Variants in DGKZ observed in about 807,000 individuals in gnomAD.
The protein encoded by DGKZ is DAG kinase zeta.
A neutral mutation model predicts 142.5 loss-of-function variants in DGKZ; 45 were observed. That is an observed-to-expected ratio of 0.32 (90% CI 0.25 to 0.40). The LOEUF is 0.40. Among genes scored for constraint, DGKZ ranks in the 10% least tolerant of loss-of-function variants. DGKZ has a pLI of 1.00. For missense variants in DGKZ, 755 were observed against 1,306.5 expected, an observed-to-expected ratio of 0.58 and a Z score of 6.51; for synonymous variants, 442 against 527.0, an observed-to-expected ratio of 0.84 and a Z score of 2.21.
intron 1 of DGKZ, chr11:46,366,090 CAG>C (rs1943211117): frequency 1.0e-6 from 1 of 985,394 alleles, no homozygotes; most frequent in Non-Finnish European, 1.2e-6. Flanking sequence ...CTCCCTCCCT[CAG>C]GGGTTGCTTC....
chr11:46,366,817 C>A, intron 1 of DGKZ: 1 of 1,545,610 alleles, frequency 6.5e-7, no homozygotes, highest in Non-Finnish European at 8.7e-7. Flanking sequence ...ATCGGCGCCT[C>A]AGCCAGCGGC....
intron 1 of DGKZ, chr11:46,365,212 C>T: frequency 1.0e-6 from 1 of 985,406 alleles, no homozygotes; most frequent in Non-Finnish European, 1.2e-6. Flanking sequence ...GGAGGGAGCT[C>T]TGGGCTGTGC....
chr11:46,343,477 A>G (rs1389277602), upstream of DGKZ, among the ~76,000 whole-genome samples: 1 of 152,220 alleles, frequency 6.6e-6, no homozygotes, highest in South Asian at 2.1e-4. Flanking sequence ...CAAGAAATTC[A>G]CAGTAACAAA....
At chr11:46,376,250 C>T in intron 22 of DGKZ, 78 bp from the exon 23 acceptor site, 3 of 1,605,732 alleles carry the variant, frequency 1.9e-6, no homozygotes, top group Non-Finnish European at 8.5e-7. Context: ...CTCCTCTGTG[C>T]TGGTTCCCCC....
chr11:46,367,570 G>C lies in DGKZ; in HGVS notation c.271-82G>C. On this transcript the variant is annotated intron_variant, in intron 2 of 30. Transcript: ENST00000527911. The surrounding 1 kb of genome is among the most constrained non-coding windows in gnomAD (Gnocchi z 4.1). ...CGGGGCGCTGGAGTGGGTTTGTCTT[G>C]GGAGAGGGCGGGTGGGCGGGGGCTG... is the stretch of plus-strand genomic sequence containing the variant. 1.5e-6 allele frequency: 2 copies of C among 1,367,310 alleles called. No homozygotes were observed. Among genetic ancestry groups the C allele is most frequent in the Non-Finnish European group, 2.0e-6 (2 of 1,007,124 alleles). The allele number at this position is 1,367,310 out of a possible 1,614,324, so 84.7% of individuals were successfully genotyped here. A position where few individuals can be genotyped will look rare whatever the true frequency, so the allele number is the denominator to read the frequency against.
At chr11:46,379,330 C>T in intron 29 of DGKZ, 94 bp downstream of exon 29, 1 of 1,584,424 alleles carries the variant, frequency 6.3e-7, no homozygotes, top group East Asian at 2.2e-5. Context: ...CATAAACTTC[C>T]TGGTCACATC....
intron 25 of DGKZ, 94 bp from the exon 26 acceptor site, chr11:46,378,104 G>C: frequency 6.7e-7 from 1 of 1,492,370 alleles, no homozygotes; most frequent in Non-Finnish European, 9.1e-7. Flanking sequence ...TCAATAAACT[G>C]TGGAAAGGAT....
At chr11:46,371,465 C>T (rs775699723) in intron 7 of DGKZ, 22 bp from the exon 8 acceptor site, 45 of 1,599,912 alleles carry the variant, frequency 2.8e-5, no homozygotes, top group Non-Finnish European at 3.7e-5. Context: ...TCCCGCTGAG[C>T]CCGGCCCCTC....
At chr11:46,377,896 C>A in intron 25 of DGKZ, 1 of 489,810 alleles carries the variant, frequency 2.0e-6, no homozygotes, top group Non-Finnish European at 3.7e-6. Flanking sequence ...AGATCACTCC[C>A]AGGACCCCCT....
At chr11:46,369,868 C>T (rs1565057407) in intron 5 of DGKZ, 73 bp from the exon 6 acceptor site, 4 of 1,520,776 alleles carry the variant, frequency 2.6e-6, no homozygotes, top group Non-Finnish European at 3.6e-6. Flanking sequence ...GTGTGTTGAG[C>T]CGTGTGGGCA....
chr11:46,351,577 C>G (rs1356373308), intron 1 of DGKZ, among the ~76,000 whole-genome samples: 2 of 152,158 alleles, frequency 1.3e-5, no homozygotes, highest in African/African-American at 2.4e-5. Context: ...AGGTGAGAAC[C>G]CTGTCTATGG....
In DGKZ at chr11:46,367,439, C is replaced by A. The variant is rs185575530; in HGVS notation, c.270+40C>A. 1,216 of 1,595,794 alleles carry A rather than the reference C, an allele frequency of 7.6e-4. 4 individuals carry two copies. In the African/African-American group the frequency reaches 0.015, roughly 19 times the overall value. On this transcript the variant is annotated intron_variant, in intron 2 of 30. Transcript: ENST00000527911. This position sits in a 1 kb window ranked among gnomAD's most constrained non-coding sequence, Gnocchi z 4.1. Reference sequence around the variant, plus strand: ...ACCCCTGGGTCCCAGACCCTCTGGGCTCTTGGCCAAGGCGCAGCTGGCGGG... The same window carrying A: ...ACCCCTGGGTCCCAGACCCTCTGGGATCTTGGCCAAGGCGCAGCTGGCGGG...
chr11:46,333,782 G>A (rs558499695), intron 1 of DGKZ, among the ~76,000 whole-genome samples: 89 of 152,176 alleles, frequency 5.8e-4, no homozygotes, highest in Non-Finnish European at 8.8e-4. Flanking sequence ...ACCTCTATCT[G>A]CTGGGGAGAG....
At position 46,378,238 on chromosome 11, in the gene DGKZ, T is replaced by C. The variant is rs1296280624; in HGVS notation, c.2374+9T>C. 1.9e-6 allele frequency: 3 copies of C among 1,604,354 alleles called. No individual in the cohort carries two copies. In the South Asian group the frequency reaches 3.3e-5, roughly 18 times the overall value. The stretch of plus-strand genomic sequence containing the variant: ...TGCTGCACCCCCTCAAGGTGAGGCC[T>C]CTCCCTCTGGGGCCCCTCCTTTCTG... On this transcript the variant is annotated intron_variant, in intron 26 of 30. Coordinates refer to ENST00000527911, the Ensembl canonical transcript of DGKZ.
intron 1 of DGKZ, among the ~76,000 whole-genome samples, chr11:46,335,821 G>T (rs1161108672): frequency 6.6e-6 from 1 of 152,210 alleles, no homozygotes; most frequent in Non-Finnish European, 1.5e-5. Flanking sequence ...GACCCCAGGG[G>T]AACAAACTGT....
At chr11:46,340,654 G>A (rs968533372) in intron 1 of DGKZ, among the ~76,000 whole-genome samples, 4 of 152,224 alleles carry the variant, frequency 2.6e-5, no homozygotes, top group East Asian at 1.9e-4. Flanking sequence ...AAGGAACCTA[G>A]TCAAATGTCC....
chr11:46,378,009 G>A, intron 25 of DGKZ, 189 bp from the exon 26 acceptor site: 1 of 668,316 alleles, frequency 1.5e-6, no homozygotes, highest in Non-Finnish European at 2.6e-6. Flanking sequence ...TAGAATGTAA[G>A]CTCCATGAGG....
chr11:46,339,759 A>G (rs912373315), intron 1 of DGKZ, among the ~76,000 whole-genome samples: 12 of 152,238 alleles, frequency 7.9e-5, no homozygotes, highest in Middle Eastern at 3.2e-3. Flanking sequence ...CCTGTGGGCC[A>G]AGCATGGGGA....
chr11:46,345,555 C>T (rs1348980923), upstream of DGKZ: 1 of 1,528,540 alleles, frequency 6.5e-7, no homozygotes, highest in Non-Finnish European at 8.8e-7. The surrounding 1 kb of genome is among the most constrained non-coding windows in gnomAD (Gnocchi z 4.1). Flanking sequence ...TGGGACGTGC[C>T]ACAGATCCCA....
Sources: gnomAD v4.1 joint callset for allele counts (sites outside exome capture counted in the v4.1 genomes callset) on GRCh38, gnomAD v4.1.1 for gene constraint, Gnocchi (gnomAD v3.1) non-coding constraint, MANE v1.5 for transcripts, NCBI Gene and HGNC (gene_info 2026-07-23, HGNC 2026-07-21) for gene names.